Variants in PLEKHO2 observed in about 807,000 individuals in gnomAD.
PLEKHO2 encodes pleckstrin homology domain-containing family O member 2.
In PLEKHO2, 20 loss-of-function variants were observed where a neutral mutation model predicts 32.7. That is an observed-to-expected ratio of 0.61 (90% CI 0.43 to 0.89). PLEKHO2 has a LOEUF of 0.89. Ranked by LOEUF, PLEKHO2 falls within the 40% of genes least tolerant of loss-of-function variation. The pLI is 0.00. For missense variants in PLEKHO2, 568 were observed against 621.2 expected (o/e 0.91, Z 0.91); for synonymous variants, 247 against 246.3 (o/e 1.00, Z -0.03).
chr15:64,849,249 G>A, intron 2 of PLEKHO2, among the ~76,000 whole-genome samples: 1 of 152,006 alleles, frequency 6.6e-6, no homozygotes, highest in East Asian at 1.9e-4. Flanking sequence ...CCTGGTTCAA[G>A]CAATTCTCCT....
chr15:64,861,187 G>A (rs1438846611), intron 4 of PLEKHO2, among the ~76,000 whole-genome samples: 1 of 152,236 alleles, frequency 6.6e-6, no homozygotes, highest in Non-Finnish European at 1.5e-5. Flanking sequence ...AAGCCCCAAA[G>A]CCACCTCAGG....
chr15:64,850,498 G>A (rs370007338), intron 2 of PLEKHO2, among the ~76,000 whole-genome samples: 1 of 152,202 alleles, frequency 6.6e-6, no homozygotes. Flanking sequence ...TTCCCTGGTG[G>A]CTCAGTGTCA....
chr15:64,851,178 A>G (rs1213571658), intron 2 of PLEKHO2, among the ~76,000 whole-genome samples: 5 of 152,072 alleles, frequency 3.3e-5, no homozygotes, highest in Admixed American at 3.3e-4. Flanking sequence ...CGTAGACAGC[A>G]CCCCCAGATG....
intron 1 of PLEKHO2, among the ~76,000 whole-genome samples, chr15:64,844,856 G>A (rs978923453): frequency 6.6e-6 from 1 of 152,142 alleles, no homozygotes; most frequent in Non-Finnish European, 1.5e-5. Flanking sequence ...CATCCCTCTG[G>A]TTAAGTGCTA....
intron 1 of PLEKHO2, among the ~76,000 whole-genome samples, chr15:64,847,160 G>T (rs891127484): frequency 1.3e-5 from 2 of 152,172 alleles, no homozygotes; most frequent in Non-Finnish European, 2.9e-5. Flanking sequence ...GGGGCCCACA[G>T]TGAGAACCAG....
chr15:64,859,127 T>C (rs2084625540), intron 3 of PLEKHO2, among the ~76,000 whole-genome samples: 1 of 152,282 alleles, frequency 6.6e-6, no homozygotes, highest in South Asian at 2.1e-4. Context: ...GGCTGGCTGA[T>C]AATCCATTGT....
Position 64,841,980 on chromosome 15 carries a change from G to C in PLEKHO2, c.-37G>C. 8.0e-7 allele frequency: 1 copy of C among 1,247,050 alleles called. No individual in the cohort carries two copies. The highest frequency in any genetic ancestry group is 3.4e-5 in the South Asian group (1 of 29,316). The allele number at this position is 1,247,050 out of a possible 1,614,324, so 77.2% of individuals were successfully genotyped here. A position where few individuals can be genotyped will look rare whatever the true frequency, so the allele number is the denominator to read the frequency against. ...TGGCAGAGCCCGCGCGGCGCTGGAA[G>C]CGAGTGGCGGAGCGGCGGGACCTCG... On this transcript the variant is annotated 5_prime_UTR_variant, in exon 1 of 6. Coordinates refer to ENST00000323544, the MANE Select transcript of PLEKHO2 (RefSeq NM_025201.5).
chr15:64,861,534 G>A lies in PLEKHO2; in HGVS notation c.442G>A (p.Gly148Ser), dbSNP rs770541191. The A allele has an allele frequency of 1.9e-6, 3 of 1,608,856 alleles. No homozygotes were observed. The South Asian group carries it at 3.3e-5, about 18-fold the overall frequency. Reference sequence around the variant, plus strand: ...TGTGACACGGGACCGGGTGCGAGGGGGCCAGCGACGCCGGCCACCAACGAG... The same window carrying A: ...TGTGACACGGGACCGGGTGCGAGGGAGCCAGCGACGCCGGCCACCAACGAG... The part of the protein sequence containing the change: ...EHVTRDRVRG[G>S]QRRRPPTRVH... Residue 148 changes from glycine (G) to serine (S), a missense_variant, in exon 5 of 6, where the codon GGC (glycine) becomes AGC (serine). By Grantham distance (56) the Gly-to-Ser change is moderately conservative. Transcript: ENST00000323544.
chr15:64,855,001 A>T lies in PLEKHO2; in HGVS notation c.243A>T (p.Lys81Asn). 6.3e-7 allele frequency: 1 copy of T among 1,599,836 alleles called. No homozygotes were observed. Among genetic ancestry groups the T allele is most frequent in the Non-Finnish European group, 8.5e-7 (1 of 1,172,982 alleles). The change falls in exon 3 of 6, where the codon AAA becomes AAT. Residue 81 changes from lysine (K) to asparagine (N), a missense_variant. Coordinates refer to ENST00000323544, the MANE Select transcript of PLEKHO2 (RefSeq NM_025201.5). ...CQDLRALLKR[K>N]HRFILLRSPG... ...ACCTTCGTGCCCTCCTCAAGCGAAAACACCGCTTTATCCTGCTGCGATCCC... is the reference window on the plus strand; with the variant it reads ...ACCTTCGTGCCCTCCTCAAGCGAAATCACCGCTTTATCCTGCTGCGATCCC...
At position 64,855,025 on chromosome 15, in the gene PLEKHO2, C is replaced by A; in HGVS notation, c.267C>A (p.Ser89=). 1 of 1,585,028 alleles carries A rather than the reference C, an allele frequency of 6.3e-7. No individual in the cohort carries two copies. The highest frequency in any genetic ancestry group is 8.6e-7 in the Non-Finnish European group (1 of 1,164,750). ...AACACCGCTTTATCCTGCTGCGATC[C>A]CCAGGGAACAAGGTAGGGCGATGCC... ...KRKHRFILLR[S]PGNKVSDIKF... is the part of the protein sequence containing the mutation. The change falls in exon 3 of 6, where the codon TCC becomes TCA. Residue 89 remains serine (S), a synonymous_variant. Coordinates refer to ENST00000323544, the MANE Select transcript of PLEKHO2 (RefSeq NM_025201.5).
intron 2 of PLEKHO2, among the ~76,000 whole-genome samples, chr15:64,850,494 G>A (rs752403419): frequency 6.6e-6 from 1 of 152,168 alleles, no homozygotes; most frequent in Non-Finnish European, 1.5e-5. Flanking sequence ...ATCTTTCCCT[G>A]GTGGCTCAGT....
At chr15:64,858,735 T>G (rs535403125) in intron 3 of PLEKHO2, among the ~76,000 whole-genome samples, 1 of 152,306 alleles carries the variant, frequency 6.6e-6, no homozygotes, top group East Asian at 1.9e-4. Flanking sequence ...ACTTTAGATA[T>G]ATCTTTTTTC....
At chr15:64,861,416 T>C (rs2084640085) in intron 4 of PLEKHO2, 61 bp from the exon 5 acceptor site, 2 of 1,364,444 alleles carry the variant, frequency 1.5e-6, no homozygotes, top group Non-Finnish European at 2.0e-6. Flanking sequence ...AGGTCCGCCC[T>C]GGCTACTTCC....
chr15:64,861,250 T>G (rs2084638689), intron 4 of PLEKHO2, among the ~76,000 whole-genome samples: 1 of 152,230 alleles, frequency 6.6e-6, no homozygotes, highest in African/African-American at 2.4e-5. Flanking sequence ...GGCCCATATT[T>G]GGGCAGGAAG....
At chr15:64,853,329 T>A (rs1489840988) in intron 2 of PLEKHO2, among the ~76,000 whole-genome samples, 4 of 146,324 alleles carry the variant, frequency 2.7e-5, no homozygotes, top group Non-Finnish European at 4.5e-5. Context: ...CAGGCTGGAG[T>A]GCAGTGGAGC....
chr15:64,855,165 G>A (rs1281853137), intron 3 of PLEKHO2, 128 bp downstream of exon 3: 3 of 681,408 alleles, frequency 4.4e-6, no homozygotes, highest in African/African-American at 1.8e-5. Flanking sequence ...CTGAGGCTCA[G>A]CCCTAGCAGC....
At chr15:64,842,141 C>G in intron 1 of PLEKHO2, 113 bp downstream of exon 1, 2 of 1,029,726 alleles carry the variant, frequency 1.9e-6, no homozygotes, top group Admixed American at 4.3e-5. Context: ...CCAGTCTCAC[C>G]TCAGGAAGAG....
At chr15:64,845,111 G>T (rs1270768339) in intron 1 of PLEKHO2, among the ~76,000 whole-genome samples, 2 of 152,150 alleles carry the variant, frequency 1.3e-5, no homozygotes, top group Non-Finnish European at 2.9e-5. Context: ...AGCTTCCTGG[G>T]ATGTGAGGTG....
chr15:64,850,331 T>C (rs2084557936), intron 2 of PLEKHO2, among the ~76,000 whole-genome samples: 1 of 152,154 alleles, frequency 6.6e-6, no homozygotes, highest in African/African-American at 2.4e-5. Flanking sequence ...CATCTCCCAG[T>C]GAATGGAGGA....
Sources: gnomAD v4.1 joint callset for allele counts (sites outside exome capture counted in the v4.1 genomes callset) on GRCh38, gnomAD v4.1.1 for gene constraint, MANE v1.5 for transcripts, NCBI Gene and HGNC (gene_info 2026-07-23, HGNC 2026-07-21) for gene names.